Variants in ADGRF5 observed in about 807,000 individuals in gnomAD.
ADGRF5 encodes the protein G-protein coupled receptor 116.
A neutral mutation model predicts 132.3 loss-of-function variants in ADGRF5; 75 were observed. The observed-to-expected ratio is 0.57, with a 90% CI of 0.47 to 0.69. The LOEUF (loss-of-function observed/expected upper bound fraction) is 0.69, where lower values mean the gene tolerates loss of function less well. Ranked by LOEUF, ADGRF5 falls within the 30% of genes least tolerant of loss-of-function variation. ADGRF5 has a pLI of 0.00. For missense variants in ADGRF5, 1,516 were observed against 1,630.6 expected (o/e 0.93, Z 1.21); for synonymous variants, 629 against 597.6 (o/e 1.05, Z -0.77).
chr6:46,896,983 C>A (rs1021999528), intron 3 of ADGRF5, among the ~76,000 whole-genome samples: 1 of 151,908 alleles, frequency 6.6e-6, no homozygotes, highest in Non-Finnish European at 1.5e-5. Flanking sequence ...CAAATTGACA[C>A]AATTTAATAT....
At chr6:46,945,636 G>C (rs1778275075) in intron 1 of ADGRF5, among the ~76,000 whole-genome samples, 1 of 152,240 alleles carries the variant, frequency 6.6e-6, no homozygotes, top group African/African-American at 2.4e-5. Context: ...GTTCTGCACA[G>C]GGATGGGGTG....
chr6:46,910,628 A>G (rs1775852041), intron 1 of ADGRF5, among the ~76,000 whole-genome samples: 1 of 152,168 alleles, frequency 6.6e-6, no homozygotes, highest in African/African-American at 2.4e-5. Flanking sequence ...AAAATTATAA[A>G]CAAAGCAGTC....
intron 4 of ADGRF5, among the ~76,000 whole-genome samples, chr6:46,885,737 G>A (rs181862133): frequency 6.6e-6 from 1 of 152,196 alleles, no homozygotes; most frequent in South Asian, 2.1e-4. Context: ...GCTGCAGGAT[G>A]TATGTTAGAG....
chr6:46,909,695 C>T (rs1490833475), intron 1 of ADGRF5, among the ~76,000 whole-genome samples: 1 of 152,182 alleles, frequency 6.6e-6, no homozygotes, highest in Non-Finnish European at 1.5e-5. Context: ...CCGGTGCTGG[C>T]TGGGTGTGGT....
chr6:46,942,230 C>T (rs994713073), intron 1 of ADGRF5, among the ~76,000 whole-genome samples: 1 of 152,182 alleles, frequency 6.6e-6, no homozygotes, highest in Non-Finnish European at 1.5e-5. Flanking sequence ...TATTTATGGG[C>T]TCCTCCACTG....
chr6:46,888,751 A>T (rs183831078), intron 3 of ADGRF5, among the ~76,000 whole-genome samples: 40 of 152,296 alleles, frequency 2.6e-4, no homozygotes, highest in African/African-American at 9.4e-4. Flanking sequence ...AAGCAGAGAG[A>T]ATAGCAGGGA....
chr6:46,917,662 C>G (rs1302155190), intron 1 of ADGRF5, among the ~76,000 whole-genome samples: 1 of 152,096 alleles, frequency 6.6e-6, no homozygotes, highest in East Asian at 1.9e-4. Flanking sequence ...CTATCCCTCC[C>G]CTAACCCTCA....
chr6:46,915,736 C>G (rs574781650), intron 1 of ADGRF5, among the ~76,000 whole-genome samples: 31 of 152,076 alleles, frequency 2.0e-4, no homozygotes, highest in Middle Eastern at 3.4e-3. Flanking sequence ...TTTATCCCCC[C>G]ACCCCCAACC....
At chr6:46,908,513 T>C (rs1775621601) in intron 1 of ADGRF5, among the ~76,000 whole-genome samples, 1 of 152,144 alleles carries the variant, frequency 6.6e-6, no homozygotes, top group South Asian at 2.1e-4. Flanking sequence ...ACTCACATAC[T>C]AGAAGGACTA....
At chr6:46,877,239 C>CT (rs1554200350) in intron 10 of ADGRF5, among the ~76,000 whole-genome samples, 1 of 28,324 alleles carries the variant, frequency 3.5e-5, no homozygotes, top group South Asian at 9.8e-4. Flanking sequence ...TTCTTTCTTT[C>CT]TTTCTTTCTT....
chr6:46,881,644 G>A, intron 7 of ADGRF5, 47 bp from the exon 8 acceptor site: 1 of 1,564,760 alleles, frequency 6.4e-7, no homozygotes, highest in Admixed American at 1.7e-5. Flanking sequence ...TGACCTGGAA[G>A]AGTCTAGATA....
chr6:46,893,329 G>A (rs1330164491), intron 3 of ADGRF5, among the ~76,000 whole-genome samples: 1 of 152,008 alleles, frequency 6.6e-6, no homozygotes, highest in Non-Finnish European at 1.5e-5. Context: ...CAGTATCATG[G>A]TCCTATAGGC....
At position 46,862,703 on chromosome 6, in the gene ADGRF5, C is replaced by CTTTTTTTTTTTT. The variant is rs67565937; in HGVS notation, c.2199+173_2199+184dup. ...AGTTGTCTTAGTATTTGAATTGAGG[C>CTTTTTTTTTTTT]TTTTTTTTTTTTTTTTTTTTTTTTT... On this transcript the variant is annotated intron_variant, in intron 15 of 20. Transcript: ENST00000283296. 7.1e-3 allele frequency among the ~76,000 whole-genome samples: 188 copies of CTTTTTTTTTTTT among 26,508 alleles called. 25 individuals carry two copies. The highest frequency in any genetic ancestry group is 0.017 in the East Asian group (9 of 522). The allele number at this position is 26,508 out of a possible 152,430, so 17.4% of individuals were successfully genotyped here. A position where few individuals can be genotyped will look rare whatever the true frequency, so the allele number is the denominator to read the frequency against.
chr6:46,941,468 A>G (rs564221844), intron 1 of ADGRF5, among the ~76,000 whole-genome samples: 5 of 126,520 alleles, frequency 4.0e-5, no homozygotes, highest in Non-Finnish European at 5.3e-5. Context: ...AAAGAAAAGA[A>G]AGAAAAGAAA....
At chr6:46,949,938 T>C (rs1778436604) in intron 1 of ADGRF5, among the ~76,000 whole-genome samples, 1 of 152,228 alleles carries the variant, frequency 6.6e-6, no homozygotes, top group South Asian at 2.1e-4. Flanking sequence ...TACTCCATTG[T>C]TACTAAGACC....
Position 46,936,616 on chromosome 6 carries a change from C to T in ADGRF5, c.-25+18118G>A, listed in dbSNP as rs1777841399. ...CTACACACCAGACACTGTTCTAGGC[C>T]CTGGGGATAAGAAGTAATGAAAACA... On this transcript the variant is annotated intron_variant, in intron 1 of 20. Transcript: ENST00000265417. 1.3e-5 allele frequency among the ~76,000 whole-genome samples: 2 copies of T among 152,256 alleles called. 1 individual carries two copies. The highest frequency in any genetic ancestry group is 4.2e-4 in the South Asian group (2 of 4,812).
chr6:46,926,480 TGA>T (rs922494698), upstream of ADGRF5, among the ~76,000 whole-genome samples: 6 of 19,884 alleles, frequency 3.0e-4, no homozygotes, highest in African/African-American at 2.7e-3. Context: ...GCATCTCGGG[TGA>T]GGGGGGGGGC....
chr6:46,857,318 A>G (rs1769170063), intron 17 of ADGRF5, among the ~76,000 whole-genome samples: 1 of 152,224 alleles, frequency 6.6e-6, no homozygotes, highest in East Asian at 1.9e-4. Context: ...CAGGCCCAGT[A>G]GCAGAAATCA....
chr6:46,922,055 C>T (rs2150927208), upstream of ADGRF5: 1 of 152,362 alleles, frequency 6.6e-6, no homozygotes, highest in South Asian at 2.1e-4. Context: ...TCCTTCTTAT[C>T]TGGAAACCTC....
Sources: allele counts gnomAD v4.1 joint callset (sites outside exome capture counted in the v4.1 genomes callset), GRCh38; gene constraint gnomAD v4.1.1; transcripts MANE v1.5; gene names NCBI Gene and HGNC (gene_info 2026-07-23, HGNC 2026-07-21).